CCL20: variants seen among roughly 807,000 people sequenced by gnomAD.
The protein encoded by CCL20 is C-C motif chemokine ligand 20.
Under a neutral mutation model 10.8 loss-of-function variants are expected in CCL20, and 8 were observed. That is an observed-to-expected ratio of 0.74 (90% CI 0.44 to 1.34). The LOEUF (loss-of-function observed/expected upper bound fraction) is 1.34. CCL20 is among the 40% of genes most tolerant of loss of function. CCL20 has a pLI of 0.01. For synonymous variants in CCL20, 40 were observed against 39.4 expected, an observed-to-expected ratio of 1.02 and a Z score of -0.06; for missense variants, 107 against 117.9, an observed-to-expected ratio of 0.91 and a Z score of 0.43.
intron 1 of CCL20, 130 bp from the exon 2 acceptor site, chr2:227,815,324 C>T (rs1336459839): frequency 1.8e-6 from 1 of 561,560 alleles, no homozygotes; most frequent in Non-Finnish European, 3.2e-6. Context: ...AACTCCTCCT[C>T]TAAGTGGTTT....
chr2:227,816,614 T>C (rs1690028802), intron 3 of CCL20, among the ~76,000 whole-genome samples: 1 of 152,272 alleles, frequency 6.6e-6, no homozygotes, highest in Non-Finnish European at 1.5e-5. Flanking sequence ...GATTTCTCTA[T>C]GCATTTGATA....
At chr2:227,814,025 T>C in intron 1 of CCL20, 38 bp downstream of exon 1, 1 of 1,558,746 alleles carries the variant, frequency 6.4e-7, no homozygotes, top group East Asian at 2.2e-5. Context: ...GAAGAAAGAC[T>C]ATTTTCATTT....
intron 1 of CCL20, among the ~76,000 whole-genome samples, chr2:227,815,004 C>G (rs1297952521): frequency 6.6e-6 from 1 of 152,128 alleles, no homozygotes; most frequent in Non-Finnish European, 1.5e-5. Context: ...TTTCTCAATA[C>G]TTAGTAGCCA....
At chr2:227,814,135 T>C in intron 1 of CCL20, 148 bp downstream of exon 1, 1 of 701,050 alleles carries the variant, frequency 1.4e-6, no homozygotes, top group South Asian at 1.7e-5. Flanking sequence ...CATGGTGGAG[T>C]GGAGGAGAGA....
chr2:227,814,782 G>A (rs1689999809), intron 1 of CCL20, among the ~76,000 whole-genome samples: 1 of 151,552 alleles, frequency 6.6e-6, no homozygotes, highest in African/African-American at 2.4e-5. Flanking sequence ...GTAGAGACAG[G>A]GTTTCACTGT....
chr2:227,816,089 T>C, intron 2 of CCL20: 1 of 501,102 alleles, frequency 2.0e-6, no homozygotes, highest in Non-Finnish European at 3.5e-6. Flanking sequence ...TTTATCTTCC[T>C]GCCATTGTAC....
At chr2:227,814,117 T>C in intron 1 of CCL20, 130 bp downstream of exon 1, 1 of 774,132 alleles carries the variant, frequency 1.3e-6, no homozygotes, top group Non-Finnish European at 2.2e-6. Context: ...TGATGGAAGT[T>C]GTCTGCCCAT....
chr2:227,814,300 C>T (rs1318852067), intron 1 of CCL20, among the ~76,000 whole-genome samples: 1 of 152,050 alleles, frequency 6.6e-6, no homozygotes, highest in African/African-American at 2.4e-5. Flanking sequence ...GTAGATGGGG[C>T]CATTTTGAAA....
In CCL20 at chr2:227,817,023, T is replaced by C. The variant is rs372508739; in HGVS notation, c.270-39T>C. The C allele has an allele frequency of 5.9e-5, 91 of 1,545,500 alleles. No individual in the cohort carries two copies. The African/African-American group carries it at 1.2e-3, about 20-fold the overall frequency. ...AAGTCATTCCCACCATGCAGTCACCTTGTCATTACTTACACTTTTCTTCTT... is the reference window on the plus strand; with the variant it reads ...AAGTCATTCCCACCATGCAGTCACCCTGTCATTACTTACACTTTTCTTCTT... On this transcript the variant is annotated intron_variant, in intron 3 of 3. Transcript: ENST00000358813.
In CCL20 at chr2:227,815,813, A is replaced by G. The variant is rs941508041; in HGVS notation, c.191+245A>G. The G allele has an allele frequency of 1.9e-5, 7 of 366,456 alleles. 1 individual carries two copies. Among genetic ancestry groups the G allele is most frequent in the South Asian group, 1.0e-4 (2 of 19,842 alleles). The allele number at this position is 366,456 out of a possible 1,614,324, so 22.7% of individuals were successfully genotyped here. The stretch of plus-strand genomic sequence containing the variant: ...TTTTTTAAAAATTTTTTTTGGTCAA[A>G]CGGAACTAGTATAGGGCAAAAATCA... On this transcript the variant is annotated intron_variant, in intron 2 of 3. Coordinates refer to ENST00000358813, the MANE Select transcript of CCL20 (RefSeq NM_004591.3).
intron 3 of CCL20, 128 bp downstream of exon 3, chr2:227,816,512 T>G (rs1690027598): frequency 6.1e-6 from 3 of 494,448 alleles, no homozygotes; most frequent in Admixed American, 3.7e-5. Context: ...AAAATTTGAG[T>G]TGGACCACAA....
Position 227,816,358 on chromosome 2 carries a change from G to A in CCL20, c.243G>A (p.Trp81Ter). The change falls in exon 3 of 4, where the codon TGG (tryptophan) becomes TGA (stop). Residue 81 changes from tryptophan (W) to a stop codon, truncating the protein, a stop_gained. Transcript: ENST00000358813. LOFTEE classifies it high-confidence loss of function. ...LSVCANPKQT[W>*]VKYIVRLLSK... ...TGTGCGCAAATCCAAAACAGACTTG[G>A]GTGAAATATATTGTGCGTCTCCTCA... 1 of 1,608,904 alleles carries A rather than the reference G, an allele frequency of 6.2e-7. No individual in the cohort carries two copies. Among genetic ancestry groups the A allele is most frequent in the Non-Finnish European group, 8.5e-7 (1 of 1,175,602 alleles).
intron 2 of CCL20, 53 bp from the exon 3 acceptor site, chr2:227,816,253 GA>G: frequency 2.0e-6 from 2 of 1,017,722 alleles, no homozygotes; most frequent in South Asian, 1.3e-5. Context: ...TATGTTCTAT[GA>G]AAAACCCATT....
chr2:227,814,038 C>T (rs78035651), intron 1 of CCL20, 51 bp downstream of exon 1: 8 of 1,501,558 alleles, frequency 5.3e-6, no homozygotes, highest in Non-Finnish European at 7.3e-6. Flanking sequence ...TTTCATTTTC[C>T]TTTTAGCCTT....
chr2:227,817,451 A>G lies in CCL20; in HGVS notation c.*368A>G, dbSNP rs188367228. The G allele has an allele frequency of 2.8e-3, 450 of 158,494 alleles. 1 individual carries two copies. Among genetic ancestry groups the G allele is most frequent in the Admixed American group, 7.4e-3 (114 of 15,476 alleles). 9.8% of individuals were successfully genotyped at this position (158,494 alleles called of 1,614,324 possible). ...GCTATTTTTTAAAAAAAACTATTTA[A>G]CATTCTTTTGTTTATATTGTTTTGT... On this transcript the variant is annotated 3_prime_UTR_variant, in exon 4 of 4. Coordinates refer to ENST00000358813, the MANE Select transcript of CCL20 (RefSeq NM_004591.3).
chr2:227,815,420 G>A, intron 1 of CCL20, 34 bp from the exon 2 acceptor site: 1 of 1,053,156 alleles, frequency 9.5e-7, no homozygotes, highest in African/African-American at 1.6e-5. Context: ...TTATTCATGT[G>A]GATCCAATAC....
At chr2:227,814,173 C>T (rs2106159777) in intron 1 of CCL20, among the ~76,000 whole-genome samples, 186 bp downstream of exon 1, 1 of 152,264 alleles carries the variant, frequency 6.6e-6, no homozygotes, top group South Asian at 2.1e-4. Context: ...TCAGGCTTTC[C>T]TCTCTGCTGT....
At chr2:227,814,103 G>T in intron 1 of CCL20, 116 bp downstream of exon 1, 1 of 876,064 alleles carries the variant, frequency 1.1e-6, no homozygotes. Flanking sequence ...TATACAAGAG[G>T]TAGTGATGGA....
chr2:227,814,679 T>C (rs113525111), intron 1 of CCL20, among the ~76,000 whole-genome samples: 316 of 151,592 alleles, frequency 2.1e-3, no homozygotes, highest in Middle Eastern at 0.01. Flanking sequence ...CCTCCTGGAG[T>C]CAAGTGAACC....
Sources: allele counts gnomAD v4.1 joint callset (sites outside exome capture counted in the v4.1 genomes callset), GRCh38; gene constraint gnomAD v4.1.1; transcripts MANE v1.5; gene names NCBI Gene and HGNC (gene_info 2026-07-23, HGNC 2026-07-21).